Variants in EML6 observed in about 807,000 individuals in gnomAD.
EML6 encodes the protein EMAP like 6.
Under a neutral mutation model 240.1 loss-of-function variants are expected in EML6, and 154 were observed. That is an observed-to-expected ratio of 0.64 (90% CI 0.56 to 0.73). The LOEUF (loss-of-function observed/expected upper bound fraction) is 0.73, where lower values mean the gene tolerates loss of function less well. EML6 is among the 30% of genes least tolerant of loss of function. EML6 has a pLI of 0.00. For missense variants in EML6, 2,964 were observed against 2,474.6 expected (o/e 1.20, Z -4.20); for synonymous variants, 1,148 against 899.0 (o/e 1.28, Z -4.95).
At chr2:54,815,929 C>T (rs1163130772) in intron 3 of EML6, among the ~76,000 whole-genome samples, 1 of 152,200 alleles carries the variant, frequency 6.6e-6, no homozygotes, top group African/African-American at 2.4e-5. Context: ...ACATACTTCA[C>T]TTGACCCATA....
At chr2:54,780,800 G>A (rs1572888514) in intron 2 of EML6, among the ~76,000 whole-genome samples, 1 of 152,204 alleles carries the variant, frequency 6.6e-6, no homozygotes, top group South Asian at 2.1e-4. Context: ...TATGGCTTGT[G>A]AGTCACACGA....
At chr2:54,937,553 TA>T (rs34682923) in intron 28 of EML6, among the ~76,000 whole-genome samples, 20,307 of 68,054 alleles carry the variant, frequency 0.3, 3,300 homozygotes, top group Non-Finnish European at 0.35. Flanking sequence ...ACTCTGTCTT[TA>T]AAAAAAAAAA....
intron 22 of EML6, among the ~76,000 whole-genome samples, chr2:54,902,128 C>T (rs114642176): frequency 1.0e-3 from 156 of 152,148 alleles, no homozygotes; most frequent in Non-Finnish European, 2.0e-3. Flanking sequence ...GAATGAGGTC[C>T]TCTAAAGCAA....
intron 3 of EML6, 105 bp from the exon 4 acceptor site, chr2:54,816,682 A>T (rs536063460): frequency 3.4e-6 from 3 of 884,706 alleles, no homozygotes; most frequent in East Asian, 2.7e-5. Context: ...TCGGTTTGTT[A>T]TAAGAAATTC....
At chr2:54,875,944 T>G (rs1033651290) in intron 16 of EML6, among the ~76,000 whole-genome samples, 2 of 152,292 alleles carry the variant, frequency 1.3e-5, no homozygotes, top group East Asian at 3.9e-4. Context: ...AAGACTTGAT[T>G]TCATTGTGTT....
intron 32 of EML6, among the ~76,000 whole-genome samples, chr2:54,955,470 G>C (rs762380619): frequency 1.3e-5 from 2 of 152,332 alleles, no homozygotes; most frequent in Middle Eastern, 3.4e-3. Context: ...CACGCTGTCA[G>C]AAAGCTCTTG....
chr2:54,922,997 A>G (rs1674342631), intron 26 of EML6, among the ~76,000 whole-genome samples: 2 of 137,916 alleles, frequency 1.5e-5, no homozygotes, highest in African/African-American at 5.6e-5. Context: ...GCTGGAGTGC[A>G]ATGGCACAAT....
chr2:54,851,072 G>A (rs1670056402), intron 10 of EML6, among the ~76,000 whole-genome samples: 1 of 152,194 alleles, frequency 6.6e-6, no homozygotes, highest in Admixed American at 6.5e-5. Context: ...ACCTCATTCA[G>A]GATGTTGGTT....
chr2:54,824,181 TTAACTC>T (rs1367722669), intron 5 of EML6, among the ~76,000 whole-genome samples: 1 of 152,196 alleles, frequency 6.6e-6, no homozygotes. Flanking sequence ...CTGTCCTTGG[TTAACTC>T]TAACTTTTAA....
Position 54,913,658 on chromosome 2 carries a change from C to G in EML6, c.3498+2616C>G, listed in dbSNP as rs190396042. Among the ~76,000 whole-genome samples the G allele has an allele frequency of 8.8e-3, 1,338 of 152,222 alleles. 11 individuals are homozygous for G. Among genetic ancestry groups the G allele is most frequent in the South Asian group, 0.013 (62 of 4,820 alleles). On this transcript the variant is annotated intron_variant, in intron 25 of 41. Transcript: ENST00000356458. ...TGTGGAAGCCCTTTAGTTAATTAAA[C>G]TCATCAAGTCTCACTTGTCAATTTT...
intron 24 of EML6, among the ~76,000 whole-genome samples, chr2:54,910,170 CA>C (rs1328078745): frequency 2.0e-4 from 31 of 152,066 alleles, no homozygotes; most frequent in African/African-American, 7.0e-4. Flanking sequence ...AGTGGGCATA[CA>C]GGGGTTCTTT....
chr2:54,879,437 C>T (rs1372215996), intron 16 of EML6, 110 bp from the exon 17 acceptor site: 1 of 718,308 alleles, frequency 1.4e-6, no homozygotes, highest in Non-Finnish European at 2.4e-6. Flanking sequence ...CATCCATCAC[C>T]TCAAATATTT....
chr2:54,871,437 A>C (rs1280916461), intron 15 of EML6, 63 bp from the exon 16 acceptor site: 1 of 1,304,820 alleles, frequency 7.7e-7, no homozygotes, highest in Non-Finnish European at 1.1e-6. Context: ...TTGGACTCTA[A>C]GGAACAAAAT....
chr2:54,923,289 A>G (rs921655455), intron 26 of EML6, among the ~76,000 whole-genome samples: 2 of 151,734 alleles, frequency 1.3e-5, no homozygotes, highest in African/African-American at 4.8e-5. Flanking sequence ...TCTGATGTAG[A>G]GCATGGTGAC....
intron 2 of EML6, among the ~76,000 whole-genome samples, chr2:54,760,003 T>G (rs867789789): frequency 1.1e-3 from 164 of 151,700 alleles, no homozygotes; most frequent in Middle Eastern, 0.01. Flanking sequence ...GGATCAAGAC[T>G]CCGGCTCCGA....
intron 2 of EML6, among the ~76,000 whole-genome samples, chr2:54,741,081 C>T (rs1397371540): frequency 2.6e-5 from 4 of 152,010 alleles, no homozygotes; most frequent in Non-Finnish European, 5.9e-5. Flanking sequence ...CAGTGCAGGC[C>T]ACACGATCAC....
At chr2:54,825,596 T>G (rs1668548116) in intron 5 of EML6, among the ~76,000 whole-genome samples, 1 of 152,030 alleles carries the variant, frequency 6.6e-6, no homozygotes, top group Admixed American at 6.5e-5. Flanking sequence ...TCAACACCTT[T>G]TCATTAATAA....
intron 2 of EML6, among the ~76,000 whole-genome samples, chr2:54,782,820 T>C (rs11683128): frequency 0.12 from 18,888 of 152,194 alleles, 1,798 homozygotes; most frequent in East Asian, 0.31. Context: ...CTAGTGAGAA[T>C]GCTGGGTTCA....
chr2:54,808,895 A>G (rs752143137), intron 2 of EML6, among the ~76,000 whole-genome samples: 1 of 152,226 alleles, frequency 6.6e-6, no homozygotes, highest in Non-Finnish European at 1.5e-5. Context: ...TAGGTTGATG[A>G]AAGTCCTTCT....
Sources: gnomAD v4.1 joint callset for allele counts (sites outside exome capture counted in the v4.1 genomes callset) on GRCh38, gnomAD v4.1.1 for gene constraint, MANE v1.5 for transcripts, NCBI Gene and HGNC (gene_info 2026-07-23, HGNC 2026-07-21) for gene names.